Variants in MYO18B observed in about 807,000 individuals in gnomAD.
MYO18B encodes myosin XVIIIB.
MYO18B carries 204 observed loss-of-function variants against 273.0 expected under a neutral mutation model. The ratio of observed to expected loss-of-function variants is 0.75; its 90% confidence interval spans 0.67 to 0.84. MYO18B has a LOEUF of 0.84. Among genes scored for constraint, MYO18B ranks in the 40% least tolerant of loss-of-function variants. MYO18B has a pLI of 0.00. For synonymous variants in MYO18B, 1,330 were observed against 1,305.7 expected (o/e 1.02, Z -0.40); for missense variants, 3,212 against 3,287.6 (o/e 0.98, Z 0.56).
chr22:25,743,078 T>TG (rs1366807675), intron 1 of MYO18B, among the ~76,000 whole-genome samples: 1 of 152,054 alleles, frequency 6.6e-6, no homozygotes, highest in Non-Finnish European at 1.5e-5. Flanking sequence ...AGGCCAGGAG[T>TG]GGGGAGGCCC....
At chr22:26,061,420 T>C in the MYO18B span, among the ~76,000 whole-genome samples, 6 of 152,040 alleles carry the variant, frequency 3.9e-5, no homozygotes, top group African/African-American at 1.4e-4. Flanking sequence ...TGTTGGAGTT[T>C]TGCTTTGAAT....
At chr22:25,855,460 T>C (rs2090543010) in intron 21 of MYO18B, among the ~76,000 whole-genome samples, 1 of 152,072 alleles carries the variant, frequency 6.6e-6, no homozygotes, top group Non-Finnish European at 1.5e-5. Flanking sequence ...ATTTTTTGTA[T>C]TTTTAGTAGA....
intron 30 of MYO18B, chr22:25,903,071 CA>C (rs1472893662): frequency 1.2e-5 from 3 of 248,928 alleles, no homozygotes; most frequent in African/African-American, 6.7e-5. Context: ...GGCTCCAATG[CA>C]GAGAGATTTT....
chr22:25,947,083 C>G (rs575928751), intron 35 of MYO18B, among the ~76,000 whole-genome samples: 1 of 152,140 alleles, frequency 6.6e-6, no homozygotes, highest in East Asian at 1.9e-4. Flanking sequence ...GCCTTTTTGT[C>G]CCTTATGTTG....
chr22:25,876,407 C>A (rs2091200195), intron 24 of MYO18B, 75 bp downstream of exon 24: 2 of 1,461,394 alleles, frequency 1.4e-6, no homozygotes, highest in South Asian at 2.8e-5. Flanking sequence ...ATCTAGCACC[C>A]TGTGCCCCTA....
intron 33 of MYO18B, among the ~76,000 whole-genome samples, chr22:25,914,131 T>G (rs116032183): frequency 4.6e-5 from 7 of 152,348 alleles, no homozygotes; most frequent in African/African-American, 1.7e-4. Context: ...CTCCTCATTG[T>G]GGCTCATTGG....
intron 17 of MYO18B, among the ~76,000 whole-genome samples, chr22:25,842,314 G>C (rs77004782): frequency 5.3e-5 from 8 of 152,158 alleles, no homozygotes; most frequent in Non-Finnish European, 5.9e-5. Context: ...AGCAGGATGG[G>C]AAAGCAAAGT....
intron 33 of MYO18B, among the ~76,000 whole-genome samples, chr22:25,915,057 A>G (rs554806242): frequency 6.6e-6 from 1 of 151,326 alleles, no homozygotes; most frequent in African/African-American, 2.4e-5. Flanking sequence ...AAAAAAAAAA[A>G]TGTTATACTT....
chr22:25,935,991 A>G (rs2092572628), intron 34 of MYO18B, among the ~76,000 whole-genome samples: 1 of 152,218 alleles, frequency 6.6e-6, no homozygotes, highest in South Asian at 2.1e-4. Context: ...TCAGTCTCTC[A>G]GTACACGACA....
Position 25,826,484 on chromosome 22 carries a change from T to C in MYO18B, c.2771T>C (p.Val924Ala). The change falls in exon 14 of 44, where the codon GTC becomes GCC. Residue 924 changes from valine (V) to alanine (A), a missense_variant. Coordinates refer to ENST00000335473, the MANE Select transcript of MYO18B (RefSeq NM_032608.7). The part of the protein sequence containing the change: ...GLYQELFAAV[V>A]SLINRSFSSH... ...TACCAGGAACTCTTTGCGGCTGTGG[T>C]CTCACTCATCAACAGGTAACGGGGC... The C allele has an allele frequency of 6.2e-7, 1 of 1,613,700 alleles. No individual in the cohort carries two copies. Among genetic ancestry groups the C allele is most frequent in the South Asian group, 1.1e-5 (1 of 91,068 alleles).
chr22:26,011,626 T>C lies in MYO18B; in HGVS notation c.6470+6771T>C, dbSNP rs113677781. Among the ~76,000 whole-genome samples, 933 of 152,308 alleles carry C rather than the reference T, an allele frequency of 6.1e-3. 7 individuals carry two copies. Among genetic ancestry groups the C allele is most frequent in the African/African-American group, 0.021 (890 of 41,576 alleles). ...GTCCCCATTCAGTAACCTTGGGAAA[T>C]CTAACTAAAATGGTGTCTCCTGATC... is the stretch of plus-strand genomic sequence containing the variant. On this transcript the variant is annotated intron_variant, in intron 42 of 43. Transcript: ENST00000335473.
At chr22:26,060,040 C>G in the MYO18B span, among the ~76,000 whole-genome samples, 1 of 152,148 alleles carries the variant, frequency 6.6e-6, no homozygotes, top group Non-Finnish European at 1.5e-5. Context: ...TTTTATTAGC[C>G]TTGTGATCAG....
At position 25,822,057 on chromosome 22, in the gene MYO18B, T is replaced by C. The variant is rs180824230; in HGVS notation, c.2522-1448T>C. ...CCATGGTATGCACAGTCTTCACTGC[T>C]AATTTTAAATGGCTTTATAATGGTC... On this transcript the variant is annotated intron_variant, in intron 12 of 43. Coordinates refer to ENST00000335473, the MANE Select transcript of MYO18B (RefSeq NM_032608.7). Among the ~76,000 whole-genome samples, 4 of 152,362 alleles carry C rather than the reference T, an allele frequency of 2.6e-5. No individual in the cohort carries two copies. In the East Asian group the frequency reaches 7.7e-4, roughly 29 times the overall value.
the MYO18B span, among the ~76,000 whole-genome samples, chr22:26,054,371 C>T: frequency 1.3e-5 from 2 of 152,100 alleles, no homozygotes; most frequent in African/African-American, 2.4e-5. Context: ...GTTTCCCTGC[C>T]GAGAAAATCT....
At chr22:25,907,920 GC>G (rs2092077857) in intron 31 of MYO18B, among the ~76,000 whole-genome samples, 1 of 151,876 alleles carries the variant, frequency 6.6e-6, no homozygotes. Context: ...TGTAATCCCA[GC>G]TACTTGGGAG....
At chr22:25,890,625 C>T (rs759995081) in intron 25 of MYO18B, 131 bp from the exon 26 acceptor site, 42 of 1,310,346 alleles carry the variant, frequency 3.2e-5, no homozygotes, top group African/African-American at 4.4e-5. Flanking sequence ...ATCCTCTTAA[C>T]GAGTTGATTA....
chr22:26,032,595 C>T (rs1355585027), downstream of MYO18B, among the ~76,000 whole-genome samples: 1 of 136,018 alleles, frequency 7.4e-6, no homozygotes, highest in Non-Finnish European at 1.5e-5. Flanking sequence ...GATCTCAGTT[C>T]ACTGCAACCT....
chr22:25,825,411 A>AT (rs1328114360), intron 13 of MYO18B, among the ~76,000 whole-genome samples: 2 of 151,936 alleles, frequency 1.3e-5, no homozygotes, highest in Non-Finnish European at 2.9e-5. Flanking sequence ...TGTGTTTTCA[A>AT]TTTTTTAGAT....
At chr22:25,927,175 G>A (rs961152104) in intron 34 of MYO18B, among the ~76,000 whole-genome samples, 1 of 152,218 alleles carries the variant, frequency 6.6e-6, no homozygotes, top group Admixed American at 6.5e-5. Context: ...CAGGATAACA[G>A]CAATTGTTCA....
Sources: allele counts gnomAD v4.1 joint callset (sites outside exome capture counted in the v4.1 genomes callset), GRCh38; gene constraint gnomAD v4.1.1; transcripts MANE v1.5; gene names NCBI Gene and HGNC (gene_info 2026-07-23, HGNC 2026-07-21).